The following TCF7L2 variants were observed in gnomAD, a reference collection of about 807,000 sequenced individuals.
TCF7L2 encodes transcription factor 7 like 2.
A neutral mutation model predicts 77.9 loss-of-function variants in TCF7L2; 23 were observed. The observed-to-expected ratio is 0.30, with a 90% CI of 0.21 to 0.42. TCF7L2 has a LOEUF of 0.42. Ranked by LOEUF, TCF7L2 falls within the 10% of genes least tolerant of loss-of-function variation. TCF7L2 has a pLI of 1.00. For missense variants in TCF7L2, 654 were observed against 793.1 expected, an observed-to-expected ratio of 0.82 and a Z score of 2.11; for synonymous variants, 413 against 340.2, an observed-to-expected ratio of 1.21 and a Z score of -2.36.
intron 5 of TCF7L2, among the ~76,000 whole-genome samples, chr10:113,105,973 G>A (rs1002730063): frequency 2.0e-5 from 3 of 152,172 alleles, no homozygotes; most frequent in African/African-American, 7.2e-5. Flanking sequence ...GAGATTAATT[G>A]GGACTGTCCT....
intron 4 of TCF7L2, among the ~76,000 whole-genome samples, chr10:112,981,613 C>A (rs1321843264): frequency 1.3e-5 from 2 of 152,156 alleles, no homozygotes; most frequent in African/African-American, 4.8e-5. Context: ...GTTTGCATAG[C>A]AGTGAAAGGA....
At chr10:113,010,671 G>T (rs757530280) in intron 4 of TCF7L2, among the ~76,000 whole-genome samples, 5 of 152,200 alleles carry the variant, frequency 3.3e-5, no homozygotes, top group Admixed American at 2.0e-4. Flanking sequence ...AAATGTAGGA[G>T]ATATTGTGGA....
chr10:113,131,077 C>T (rs1223458640), intron 5 of TCF7L2, among the ~76,000 whole-genome samples: 1 of 152,124 alleles, frequency 6.6e-6, no homozygotes, highest in Non-Finnish European at 1.5e-5. Context: ...GAGTGATTAT[C>T]TTTTGCCACA....
intron 5 of TCF7L2, among the ~76,000 whole-genome samples, chr10:113,093,150 G>A (rs565626347): frequency 6.6e-6 from 1 of 152,328 alleles, no homozygotes; most frequent in East Asian, 1.9e-4. Context: ...CAGGCTTCCT[G>A]TGATCCAGGA....
intron 12 of TCF7L2, among the ~76,000 whole-genome samples, chr10:113,159,122 G>A (rs1234447261): frequency 1.3e-5 from 2 of 150,794 alleles, no homozygotes; most frequent in Admixed American, 6.6e-5. Flanking sequence ...GCATGCATCC[G>A]CAGTATGATT....
At chr10:113,157,104 T>G (rs112995818) in intron 11 of TCF7L2, among the ~76,000 whole-genome samples, 4,781 of 151,494 alleles carry the variant, frequency 0.032, 248 homozygotes, top group African/African-American at 0.11. Context: ...ACTCAGCAGG[T>G]TTTTTTTGTT....
chr10:113,099,057 T>C (rs1428770871), intron 5 of TCF7L2, among the ~76,000 whole-genome samples: 1 of 152,206 alleles, frequency 6.6e-6, no homozygotes, highest in South Asian at 2.1e-4. Context: ...GTTGTCAGCT[T>C]GTTAGTTATT....
intron 5 of TCF7L2, among the ~76,000 whole-genome samples, chr10:113,049,631 TCA>T (rs1157066467): frequency 2.0e-5 from 3 of 152,144 alleles, no homozygotes; most frequent in African/African-American, 7.2e-5. Context: ...TCTCCATAGC[TCA>T]CTCCCATACT....
In TCF7L2 at chr10:113,012,415, G is replaced by T. The variant is rs1042016588; in HGVS notation, c.451-27610G>T. 3.3e-5 allele frequency among the ~76,000 whole-genome samples: 5 copies of T among 152,206 alleles called. No individual in the cohort carries two copies. The East Asian group carries it at 9.6e-4, about 29-fold the overall frequency. ...TTGTTACGTGAGCAATATTTGTTGAGTCTCTGTGGTGGGTTCTAGGGGTTC... is the reference window on the plus strand; with the variant it reads ...TTGTTACGTGAGCAATATTTGTTGATTCTCTGTGGTGGGTTCTAGGGGTTC... On this transcript the variant is annotated intron_variant, in intron 4 of 13. Coordinates refer to ENST00000627217, the MANE Select transcript of TCF7L2 (RefSeq NM_001146274.2).
rs765763687 is a variant in TCF7L2, at chr10:113,151,135, T to C, written c.1001+12T>C. The C allele has an allele frequency of 6.8e-6, 11 of 1,614,026 alleles. No individual in the cohort carries two copies. The African/African-American group carries it at 8.0e-5, about 12-fold the overall frequency. On this transcript the variant is annotated intron_variant, in intron 9 of 13. Coordinates refer to ENST00000627217, the MANE Select transcript of TCF7L2 (RefSeq NM_001146274.2). The surrounding 1 kb of genome is among the most constrained non-coding windows in gnomAD (Gnocchi z 5.2). The stretch of plus-strand genomic sequence containing the variant: ...TCACTCCATAGTTCGTAAGTGTTGC[T>C]GTTTTTCTCACCTTCTTCGTAGCCG...
At chr10:112,980,827 A>C (rs902188697) in intron 4 of TCF7L2, among the ~76,000 whole-genome samples, 13 of 151,874 alleles carry the variant, frequency 8.6e-5, no homozygotes, top group Admixed American at 8.5e-4. Context: ...GGGGTTTCAC[A>C]GTATTAGCCA....
At chr10:113,007,276 G>A (rs2045724036) in intron 4 of TCF7L2, among the ~76,000 whole-genome samples, 1 of 152,220 alleles carries the variant, frequency 6.6e-6, no homozygotes, top group Non-Finnish European at 1.5e-5. Context: ...CTTGGGTTGT[G>A]TGTCCCTGAG....
chr10:113,047,156 C>T lies in TCF7L2; in HGVS notation c.552+7030C>T, dbSNP rs1268575586. ...CTTTGTGTGTAAATCTTTGTCCCCTCGCCCCCTCCCCTTTTATTATTTTCT... is the reference window on the plus strand; with the variant it reads ...CTTTGTGTGTAAATCTTTGTCCCCTTGCCCCCTCCCCTTTTATTATTTTCT... On this transcript the variant is annotated intron_variant, in intron 5 of 13. Coordinates refer to ENST00000627217, the MANE Select transcript of TCF7L2 (RefSeq NM_001146274.2). Among the ~76,000 whole-genome samples the T allele has an allele frequency of 3.3e-5, 5 of 152,114 alleles. No homozygotes were observed. The East Asian group carries it at 5.8e-4, about 18-fold the overall frequency.
chr10:112,963,042 C>T (rs1304592446), intron 3 of TCF7L2, among the ~76,000 whole-genome samples: 1 of 152,052 alleles, frequency 6.6e-6, no homozygotes, highest in Non-Finnish European at 1.5e-5. Flanking sequence ...CATTGTGTCT[C>T]CTTTTAATTT....
chr10:113,136,914 T>C (rs1190976361), intron 5 of TCF7L2, among the ~76,000 whole-genome samples: 1 of 152,168 alleles, frequency 6.6e-6, no homozygotes, highest in Non-Finnish European at 1.5e-5. Context: ...AGGAGAACCA[T>C]CCAAGGGGCA....
intron 5 of TCF7L2, among the ~76,000 whole-genome samples, chr10:113,088,650 G>T (rs1473935085): frequency 1.3e-5 from 2 of 152,130 alleles, no homozygotes; most frequent in South Asian, 4.1e-4. Flanking sequence ...AGGAAAAGGT[G>T]TTAAGGTATG....
chr10:113,007,229 G>A (rs1428381058), intron 4 of TCF7L2, among the ~76,000 whole-genome samples: 3 of 152,186 alleles, frequency 2.0e-5, no homozygotes, highest in Admixed American at 2.0e-4. Context: ...GCCTGCCAAG[G>A]CGCTTTCGTT....
At chr10:113,049,605 TATC>T (rs1304225486) in intron 5 of TCF7L2, among the ~76,000 whole-genome samples, 1 of 152,124 alleles carries the variant, frequency 6.6e-6, no homozygotes, top group Non-Finnish European at 1.5e-5. Flanking sequence ...TGTAACAGCC[TATC>T]ATCTATCTCT....
chr10:113,145,930 G>T, intron 7 of TCF7L2, 81 bp from the exon 8 acceptor site: 1 of 1,201,316 alleles, frequency 8.3e-7, no homozygotes, highest in Non-Finnish European at 1.2e-6. Flanking sequence ...TGTGCAGAGA[G>T]AACTTTTCCC....
Sources: gnomAD v4.1 joint callset for allele counts (sites outside exome capture counted in the v4.1 genomes callset) on GRCh38, gnomAD v4.1.1 for gene constraint, Gnocchi (gnomAD v3.1) non-coding constraint, MANE v1.5 for transcripts, NCBI Gene and HGNC (gene_info 2026-07-23, HGNC 2026-07-21) for gene names.